WDCP: variants seen among roughly 807,000 people sequenced by gnomAD.
WDCP encodes WD repeat and coiled-coil-containing protein.
A neutral mutation model predicts 41.6 loss-of-function variants in WDCP; 19 were observed. The ratio of observed to expected loss-of-function variants is 0.46; its 90% confidence interval spans 0.32 to 0.67. The LOEUF (loss-of-function observed/expected upper bound fraction) is 0.67. Ranked by LOEUF, WDCP falls within the 30% of genes least tolerant of loss-of-function variation. The pLI is 0.04. For missense variants in WDCP, 802 were observed against 850.7 expected (o/e 0.94, Z 0.71); for synonymous variants, 302 against 320.8 (o/e 0.94, Z 0.63).
intron 1 of WDCP, chr2:24,045,730 T>C (rs555047247): frequency 3.3e-5 from 5 of 151,596 alleles, no homozygotes; most frequent in African/African-American, 1.2e-4. Flanking sequence ...CCCAGCACTT[T>C]GGGAGGCTGA....
chr2:24,034,504 T>C (rs1483574380), intron 2 of WDCP, among the ~76,000 whole-genome samples: 1 of 151,736 alleles, frequency 6.6e-6, no homozygotes, highest in South Asian at 2.1e-4. Context: ...CAGAGATAAC[T>C]ACTGACAACA....
Position 24,039,377 on chromosome 2 carries a change from G to C in WDCP, c.118C>G (p.Arg40Gly). The C allele has an allele frequency of 6.2e-7, 1 of 1,614,234 alleles. No homozygotes were observed. The highest frequency in any genetic ancestry group is 8.5e-7 in the Non-Finnish European group (1 of 1,180,042). Residue 40 changes from arginine (R) to glycine (G), a missense_variant, in exon 2 of 4, where the codon CGG (arginine) becomes GGG (glycine). By Grantham distance (125) the Arg-to-Gly change is moderately radical. Transcript: ENST00000295148. Reference protein sequence around the residue: ...DGNQVVLTDLRLHSGEVKFGD... With the variant: ...DGNQVVLTDLGLHSGEVKFGD... ...AACTTGACCTCTCCACTGTGAAGCCGCAAATCAGTTAGGACAACTTGATTC... is the reference window on the plus strand; with the variant it reads ...AACTTGACCTCTCCACTGTGAAGCCCCAAATCAGTTAGGACAACTTGATTC...
chr2:24,035,407 G>A (rs1479804021), intron 2 of WDCP, among the ~76,000 whole-genome samples: 2 of 151,946 alleles, frequency 1.3e-5, no homozygotes, highest in African/African-American at 2.4e-5. Context: ...GTTACCTAAA[G>A]GAGGAAAGGA....
chr2:24,045,636 AG>A (rs1663596888), intron 1 of WDCP, among the ~76,000 whole-genome samples: 2 of 69,680 alleles, frequency 2.9e-5, no homozygotes, highest in Non-Finnish European at 7.2e-5. Flanking sequence ...AGAGAGAGGA[AG>A]GAAGGAAGGA....
At chr2:24,036,912 T>C (rs964162245) in intron 2 of WDCP, among the ~76,000 whole-genome samples, 10 of 152,256 alleles carry the variant, frequency 6.6e-5, no homozygotes, top group Admixed American at 5.9e-4. Flanking sequence ...GGCAAGGCCA[T>C]ATTTTATATA....
rs893367506 is a variant in WDCP, at chr2:24,037,706, C to A, written c.1789G>T (p.Asp597Tyr). ...KSSSVYPLSQ[D>Y]LPYVHIIYQK... ...TAAATGATGTGAACATAAGGAAGAT[C>A]TTGAGAGAGTGGATACACTGAAGAG... is the stretch of plus-strand genomic sequence containing the variant. Residue 597 changes from aspartate (D) to tyrosine (Y), a missense_variant, in exon 2 of 4, where the codon GAT (aspartate) becomes TAT (tyrosine). Around this residue, in one of 5 missense-constraint regions of WDCP, gnomAD observed 321 missense variants for 305.1 expected, o/e 1.05. Coordinates refer to ENST00000295148, the MANE Select transcript of WDCP (RefSeq NM_025203.3). 3 of 1,613,404 alleles carry A rather than the reference C, an allele frequency of 1.9e-6. No homozygotes were observed. The highest frequency in any genetic ancestry group is 1.7e-6 in the Non-Finnish European group (2 of 1,179,796).
In WDCP at chr2:24,045,146, G is replaced by A. The variant is rs78460262; in HGVS notation, c.-19+2168C>T. Among the ~76,000 whole-genome samples, 419 of 152,286 alleles carry A rather than the reference G, an allele frequency of 2.8e-3. 2 individuals carry two copies. The highest frequency in any genetic ancestry group is 9.7e-3 in the African/African-American group (404 of 41,566). On this transcript the variant is annotated intron_variant, in intron 1 of 3. Transcript: ENST00000295148. The stretch of plus-strand genomic sequence containing the variant: ...GCAAGTTTGCAACTATTTCAGTAGA[G>A]AAAGAAGGCCATATTCAAGAGATGC...
chr2:24,034,332 A>G (rs1663178533), intron 2 of WDCP, among the ~76,000 whole-genome samples: 1 of 152,144 alleles, frequency 6.6e-6, no homozygotes, highest in African/African-American at 2.4e-5. Flanking sequence ...GAGGCAGAGA[A>G]TCGCTTGAAC....
At chr2:24,047,289 C>G (rs1280987027) in intron 1 of WDCP, 25 bp downstream of exon 1, 1 of 152,324 alleles carries the variant, frequency 6.6e-6, no homozygotes, top group African/African-American at 2.4e-5. Flanking sequence ...ACCCGCCAGG[C>G]CCGGCAGCAG....
In WDCP at chr2:24,038,029, C is replaced by G. The variant is rs1663311227; in HGVS notation, c.1466G>C (p.Gly489Ala). Reference sequence around the variant, plus strand: ...TTTAATAAGTGTTCTTCCAGGCCTTCCATTCTGACTACTGGTATTAACTGT... The same window carrying G: ...TTTAATAAGTGTTCTTCCAGGCCTTGCATTCTGACTACTGGTATTAACTGT... Reference protein sequence around the residue: ...LLTVNTSSQNGRPGRTLIKEI... With the variant: ...LLTVNTSSQNARPGRTLIKEI... Residue 489 changes from glycine to alanine, a missense_variant, in exon 2 of 4, where the codon GGA (glycine) becomes GCA (alanine). Transcript: ENST00000295148. 3 of 1,614,166 alleles carry G rather than the reference C, an allele frequency of 1.9e-6. No individual in the cohort carries two copies. Among genetic ancestry groups the G allele is most frequent in the Non-Finnish European group, 2.5e-6 (3 of 1,180,034 alleles).
At chr2:24,033,513 G>A (rs2150947468) in intron 2 of WDCP, among the ~76,000 whole-genome samples, 1 of 152,296 alleles carries the variant, frequency 6.6e-6, no homozygotes, top group Non-Finnish European at 1.5e-5. Context: ...GGCTAAGATG[G>A]ACAGATCACT....
rs1161771969 is a variant in WDCP at position 24,030,326 on chromosome 2, C to A, written c.*607G>T. Reference sequence around the variant, plus strand: ...GGGCCAGTTTTTAAGAGTACCTGGACCTTCGTCAGCCAGAATTTGTTAAGG... The same window carrying A: ...GGGCCAGTTTTTAAGAGTACCTGGAACTTCGTCAGCCAGAATTTGTTAAGG... On this transcript the variant is annotated 3_prime_UTR_variant, in exon 4 of 4. Coordinates refer to ENST00000295148, the MANE Select transcript of WDCP (RefSeq NM_025203.3). 7.9e-5 allele frequency: 12 copies of A among 152,128 alleles called. No homozygotes were observed. The highest frequency in any genetic ancestry group is 7.9e-4 in the Admixed American group (12 of 15,262). 9.4% of individuals were successfully genotyped at this position (152,128 alleles called of 1,614,324 possible).
At position 24,032,760 on chromosome 2, in the gene WDCP, G is replaced by T. The variant is rs1037879820; in HGVS notation, c.1936+69C>A. ...GTTGGTATCCCTCATTTTCATTACC[G>T]GCATAGTTAAAACAGATGGTGGGGG... is the stretch of plus-strand genomic sequence containing the variant. On this transcript the variant is annotated intron_variant, in intron 3 of 3. Coordinates refer to ENST00000295148, the MANE Select transcript of WDCP (RefSeq NM_025203.3). The T allele has an allele frequency of 3.6e-6, 3 of 839,280 alleles. No individual in the cohort carries two copies. In the African/African-American group the frequency reaches 5.1e-5, roughly 14 times the overall value. 52.0% of individuals were successfully genotyped at this position (839,280 alleles called of 1,614,324 possible). A position where few individuals can be genotyped will look rare whatever the true frequency, so the allele number is the denominator to read the frequency against.
rs59320487 is a variant in WDCP at position 24,041,814 on chromosome 2, C to T, written c.-18-2302G>A. On this transcript the variant is annotated intron_variant, in intron 1 of 3. Transcript: ENST00000295148. ...CGGAGGTTGCAGTGAGCTCAGATGG[C>T]GCCACTGCACTCCAGCCTGGGCAAC... Among the ~76,000 whole-genome samples the T allele has an allele frequency of 9.8e-3, 1,321 of 135,434 alleles. 23 individuals carry two copies. The highest frequency in any genetic ancestry group is 0.035 in the African/African-American group (1,257 of 35,696). 88.8% of individuals were successfully genotyped at this position (135,434 alleles called of 152,430 possible).
rs554829509 is a variant in WDCP at position 24,030,703 on chromosome 2, C to T, written c.*230G>A. On this transcript the variant is annotated 3_prime_UTR_variant, in exon 4 of 4. Coordinates refer to ENST00000295148, the MANE Select transcript of WDCP (RefSeq NM_025203.3). The stretch of plus-strand genomic sequence containing the variant: ...AATTCTGCCCTTAGTCAAAACCACA[C>T]AGTCATGAATACATAAACACCACTT... 6 of 470,120 alleles carry T rather than the reference C, an allele frequency of 1.3e-5. No homozygotes were observed. The highest frequency in any genetic ancestry group is 1.2e-4 in the African/African-American group (6 of 51,728). The allele number at this position is 470,120 out of a possible 1,614,324, so 29.1% of individuals were successfully genotyped here.
rs895996300 is a variant in WDCP at position 24,047,388 on chromosome 2, T to A, written c.-93A>T. The A allele has an allele frequency of 2.3e-4, 35 of 152,046 alleles. No individual in the cohort carries two copies. Among genetic ancestry groups the A allele is most frequent in the African/African-American group, 8.0e-4 (33 of 41,356 alleles). 9.4% of individuals were successfully genotyped at this position (152,046 alleles called of 1,614,324 possible). A position where few individuals can be genotyped will look rare whatever the true frequency, so the allele number is the denominator to read the frequency against. On this transcript the variant is annotated 5_prime_UTR_variant, in exon 1 of 4. Transcript: ENST00000295148. ...ACATCACGCCGCCGCACATAAGAAG[T>A]TCTGGGCAGCCACCGGAAGCACCGG...
chr2:24,046,055 A>T (rs975426244), intron 1 of WDCP: 6 of 149,978 alleles, frequency 4.0e-5, no homozygotes, highest in African/African-American at 1.5e-4. Context: ...TCAAGGTTAC[A>T]GTAAGCTATG....
chr2:24,045,118 G>A (rs909895051), intron 1 of WDCP, among the ~76,000 whole-genome samples: 5 of 152,206 alleles, frequency 3.3e-5, no homozygotes, highest in Admixed American at 6.5e-5. Flanking sequence ...AAGTGAAAAT[G>A]AAGCAAGTTT....
At chr2:24,032,140 G>C (rs1402066954) in intron 3 of WDCP, among the ~76,000 whole-genome samples, 2 of 152,216 alleles carry the variant, frequency 1.3e-5, no homozygotes, top group Admixed American at 1.3e-4. Flanking sequence ...GGGAGGCCAA[G>C]GTGGACGGAT....
Sources: gnomAD v4.1 joint callset for allele counts (sites outside exome capture counted in the v4.1 genomes callset) on GRCh38, gnomAD v4.1.1 for gene constraint, gnomAD v4.1.1 regional missense constraint, MANE v1.5 for transcripts, NCBI Gene and HGNC (gene_info 2026-07-23, HGNC 2026-07-21) for gene names.